The following KATNIP variants were observed in gnomAD, a reference collection of about 807,000 sequenced individuals.
KATNIP encodes the protein katanin interacting protein.
A neutral mutation model predicts 174.0 loss-of-function variants in KATNIP; 126 were observed. The ratio of observed to expected loss-of-function variants is 0.72; its 90% CI spans 0.63 to 0.84. The LOEUF (loss-of-function observed/expected upper bound fraction) is 0.84. Ranked by LOEUF, KATNIP falls within the 40% of genes least tolerant of loss-of-function variation. The pLI is 0.00. For missense variants in KATNIP, 1,958 were observed against 2,109.7 expected (o/e 0.93, Z 1.41); for synonymous variants, 810 against 835.7 (o/e 0.97, Z 0.53).
intron 1 of KATNIP, among the ~76,000 whole-genome samples, chr16:27,567,381 C>T (rs182718944): frequency 9.8e-5 from 15 of 152,326 alleles, no homozygotes; most frequent in Admixed American, 7.2e-4. Flanking sequence ...ATAATCTCAG[C>T]ACTTTGGGAG....
At chr16:27,670,172 T>A (rs1023131439) in intron 6 of KATNIP, among the ~76,000 whole-genome samples, 1 of 152,218 alleles carries the variant, frequency 6.6e-6, no homozygotes, top group Non-Finnish European at 1.5e-5. Flanking sequence ...TTGCCATTTT[T>A]AAAAAACTCT....
intron 1 of KATNIP, among the ~76,000 whole-genome samples, chr16:27,569,976 G>A (rs1236590998): frequency 2.6e-5 from 4 of 152,046 alleles, no homozygotes; most frequent in African/African-American, 7.2e-5. Context: ...TTGAACTCCT[G>A]GCCTCCAGTG....
intron 2 of KATNIP, among the ~76,000 whole-genome samples, chr16:27,589,966 A>G (rs182440513): frequency 2.5e-3 from 374 of 151,914 alleles, no homozygotes; most frequent in Non-Finnish European, 3.8e-3. Flanking sequence ...TGGTAGAGAC[A>G]TGGTTTCACC....
At chr16:27,736,662 G>T (rs896153140) in intron 14 of KATNIP, among the ~76,000 whole-genome samples, 1 of 152,198 alleles carries the variant, frequency 6.6e-6, no homozygotes, top group African/African-American at 2.4e-5. Context: ...AGGTCAGCAG[G>T]CACCCCTGAA....
chr16:27,703,929 C>T lies in KATNIP; in HGVS notation c.1320C>T (p.Ala440=), dbSNP rs1204650714. 6 of 1,614,174 alleles carry T rather than the reference C, an allele frequency of 3.7e-6. No individual in the cohort carries two copies. The highest frequency in any genetic ancestry group is 1.6e-4 in the Middle Eastern group (1 of 6,062). ...AGAAGCTTCTGAAAGTCCTCCAGGCCGTCGAAAGTGACTCTGCCCATCTCG... is the reference window on the plus strand; with the variant it reads ...AGAAGCTTCTGAAAGTCCTCCAGGCTGTCGAAAGTGACTCTGCCCATCTCG... ...QQQKLLKVLQ[A]VESDSAHLGR... Residue 440 remains alanine, a synonymous_variant, in exon 12 of 28, where the codon GCC becomes GCT. Transcript: ENST00000261588.
chr16:27,773,508 G>A (rs957311502), intron 23 of KATNIP, among the ~76,000 whole-genome samples: 1 of 152,216 alleles, frequency 6.6e-6, no homozygotes, highest in Non-Finnish European at 1.5e-5. Context: ...ATACTTTGGA[G>A]TTCCAAAGGC....
chr16:27,650,159 T>G, intron 6 of KATNIP, among the ~76,000 whole-genome samples: 15 of 121,916 alleles, frequency 1.2e-4, no homozygotes, highest in Admixed American at 2.8e-4. Flanking sequence ...GGCGACAGAG[T>G]GAAACTGTGT....
rs563560934 is a variant in KATNIP at position 27,726,321 on chromosome 16, G to A, written c.1743+4626G>A. Among the ~76,000 whole-genome samples the A allele has an allele frequency of 2.4e-4, 37 of 152,298 alleles. 1 individual carries two copies. The highest frequency in any genetic ancestry group is 1.4e-4 in the African/African-American group (6 of 41,562). ...GCCCAAAAGGTTGGGGACCGCTGGT[G>A]TAGGCCACCGCTGCTTGCTAGAACT... On this transcript the variant is annotated intron_variant, in intron 14 of 27. Transcript: ENST00000261588.
chr16:27,724,958 GA>G (rs1354194982), intron 14 of KATNIP, among the ~76,000 whole-genome samples: 1 of 152,158 alleles, frequency 6.6e-6, no homozygotes, highest in Non-Finnish European at 1.5e-5. Context: ...TGCTGCCTGT[GA>G]AATCCTCATG....
intron 11 of KATNIP, 81 bp from the exon 12 acceptor site, chr16:27,703,815 A>C: frequency 2.0e-6 from 2 of 1,021,886 alleles, no homozygotes; most frequent in Non-Finnish European, 3.1e-6. Flanking sequence ...CCTATCCCCG[A>C]GTGCAGCACT....
At chr16:27,652,045 A>G (rs550046711) in intron 6 of KATNIP, among the ~76,000 whole-genome samples, 5 of 152,278 alleles carry the variant, frequency 3.3e-5, no homozygotes, top group African/African-American at 1.2e-4. Flanking sequence ...TTATACACTA[A>G]CAGTGACCAG....
chr16:27,581,587 T>G (rs1471566034), intron 2 of KATNIP, among the ~76,000 whole-genome samples: 2 of 152,180 alleles, frequency 1.3e-5, no homozygotes, highest in African/African-American at 4.8e-5. Context: ...ATCTAGCACC[T>G]TGATTTCTTT....
chr16:27,697,293 T>C (rs2078946751), intron 8 of KATNIP, among the ~76,000 whole-genome samples: 1 of 152,212 alleles, frequency 6.6e-6, no homozygotes, highest in Admixed American at 6.5e-5. Context: ...GCATTCCCTT[T>C]AATCCCCAAC....
intron 14 of KATNIP, among the ~76,000 whole-genome samples, 190 bp from the exon 15 acceptor site, chr16:27,739,851 T>C (rs1225905263): frequency 6.6e-6 from 1 of 152,220 alleles, no homozygotes; most frequent in Non-Finnish European, 1.5e-5. Context: ...CTTTGATTTA[T>C]AGAGTATGTA....
chr16:27,557,141 GA>G (rs1242194055), intron 1 of KATNIP, among the ~76,000 whole-genome samples: 1 of 148,020 alleles, frequency 6.8e-6, no homozygotes, highest in Non-Finnish European at 1.5e-5. Flanking sequence ...CTGTGAAGTT[GA>G]TTTTTTTTTT....
intron 1 of KATNIP, among the ~76,000 whole-genome samples, chr16:27,568,680 G>T (rs1337866349): frequency 6.6e-6 from 1 of 152,124 alleles, no homozygotes; most frequent in East Asian, 1.9e-4. Context: ...GGCCAGGATG[G>T]TCTCAATCTC....
At chr16:27,648,123 C>T (rs1439211072) in intron 5 of KATNIP, among the ~76,000 whole-genome samples, 1 of 152,034 alleles carries the variant, frequency 6.6e-6, no homozygotes, top group African/African-American at 2.4e-5. Flanking sequence ...GGCAAAACCC[C>T]GTCTCTACTA....
chr16:27,634,810 G>T (rs937515787), intron 5 of KATNIP, among the ~76,000 whole-genome samples: 5 of 152,194 alleles, frequency 3.3e-5, no homozygotes, highest in Non-Finnish European at 5.9e-5. Flanking sequence ...TAGGTCCATT[G>T]CACGATGCTG....
chr16:27,759,690 G>A (rs1475595313), intron 18 of KATNIP, among the ~76,000 whole-genome samples: 5 of 152,300 alleles, frequency 3.3e-5, no homozygotes, highest in Non-Finnish European at 4.4e-5. Context: ...GGGCTGCCTC[G>A]CATGGCAGTC....
Sources: allele counts gnomAD v4.1 joint callset (sites outside exome capture counted in the v4.1 genomes callset), GRCh38; gene constraint gnomAD v4.1.1; transcripts MANE v1.5; gene names NCBI Gene and HGNC (gene_info 2026-07-23, HGNC 2026-07-21).